COQ8B: variants seen among roughly 807,000 people sequenced by gnomAD.
COQ8B encodes coenzyme Q8B, also known as atypical kinase COQ8B, mitochondrial.
Under a neutral mutation model 62.0 loss-of-function variants are expected in COQ8B, and 44 were observed. The observed-to-expected ratio is 0.71, with a 90% CI of 0.56 to 0.91. The LOEUF (loss-of-function observed/expected upper bound fraction) is 0.91. Among genes scored for constraint, COQ8B ranks in the 40% least tolerant of loss-of-function variants. COQ8B has a pLI of 0.00. For missense variants in COQ8B, 649 were observed against 731.6 expected, an observed-to-expected ratio of 0.89 and a Z score of 1.30; for synonymous variants, 252 against 289.9, an observed-to-expected ratio of 0.87 and a Z score of 1.33.
chr19:40,711,740 T>A (rs1047440492), intron 4 of COQ8B, among the ~76,000 whole-genome samples: 5 of 152,220 alleles, frequency 3.3e-5, no homozygotes, highest in African/African-American at 1.2e-4. Flanking sequence ...ATTTTCTGTG[T>A]CCTTTCTACA....
Position 40,705,171 on chromosome 19 carries a change from G to T in COQ8B, c.501C>A (p.Phe167Leu), listed in dbSNP as rs55793080. Reference sequence around the variant, plus strand: ...AGATGTGCTGCAGCTGAGGGCTGATGAAGCTGTTGTCTTGGGAGACAGTGG... The same window carrying T: ...AGATGTGCTGCAGCTGAGGGCTGATTAAGCTGTTGTCTTGGGAGACAGTGG... The part of the protein sequence containing the change: ...GQMLSIQDNS[F>L]ISPQLQHIFE... Residue 167 changes from phenylalanine (F) to leucine (L), a missense_variant, in exon 7 of 15, where the codon TTC (phenylalanine) becomes TTA (leucine). Transcript: ENST00000324464. The T allele has an allele frequency of 1.6e-3, 2,625 of 1,613,442 alleles. 30 individuals carry two copies. The Admixed American group carries it at 0.026, about 16-fold the overall frequency.
At chr19:40,693,881 C>T (rs576702349) in intron 13 of COQ8B, among the ~76,000 whole-genome samples, 1 of 152,270 alleles carries the variant, frequency 6.6e-6, no homozygotes, top group South Asian at 2.1e-4. Flanking sequence ...CCGGGTCACA[C>T]CACTCACTAC....
chr19:40,704,221 C>T (rs555311840), intron 7 of COQ8B: 9 of 182,258 alleles, frequency 4.9e-5, no homozygotes, highest in Non-Finnish European at 9.2e-5. Context: ...ACTCTCACGG[C>T]TCACTGCAGC....
chr19:40,693,628 C>T (rs899802052), intron 13 of COQ8B, among the ~76,000 whole-genome samples: 3 of 152,152 alleles, frequency 2.0e-5, no homozygotes, highest in African/African-American at 7.2e-5. Flanking sequence ...GCTAGGGTTC[C>T]GTCCCAGCTC....
intron 1 of COQ8B, chr19:40,715,263 T>C (rs1016338559): frequency 2.0e-6 from 2 of 985,974 alleles, no homozygotes; most frequent in African/African-American, 3.5e-5. Flanking sequence ...CGGGGGCCCA[T>C]CTGGGGGGAT....
intron 9 of COQ8B, among the ~76,000 whole-genome samples, 182 bp from the exon 10 acceptor site, chr19:40,702,875 A>G (rs765230059): frequency 2.0e-5 from 3 of 151,728 alleles, no homozygotes; most frequent in Non-Finnish European, 4.4e-5. Context: ...TCTGACCTGC[A>G]TCTGTCCCTC....
chr19:40,707,156 C>G (rs2082106696), intron 5 of COQ8B, among the ~76,000 whole-genome samples: 1 of 151,978 alleles, frequency 6.6e-6, no homozygotes, highest in Non-Finnish European at 1.5e-5. Flanking sequence ...ATAGTCCCAG[C>G]TACTCAGGAG....
Position 40,703,697 on chromosome 19 carries a change from C to A in COQ8B, c.717+18G>T, listed in dbSNP as rs1259859439. On this transcript the variant is annotated intron_variant, in intron 8 of 14. Coordinates refer to ENST00000324464, the MANE Select transcript of COQ8B (RefSeq NM_024876.4). Reference sequence around the variant, plus strand: ...TAGCAGGGTGCCCGCCCCTACCCTGCCCAGCCTCCCCTCTCACCTGGATCT... The same window carrying A: ...TAGCAGGGTGCCCGCCCCTACCCTGACCAGCCTCCCCTCTCACCTGGATCT... The A allele has an allele frequency of 6.2e-7, 1 of 1,613,964 alleles. No individual in the cohort carries two copies. Among genetic ancestry groups the A allele is most frequent in the African/African-American group, 1.3e-5 (1 of 74,918 alleles).
At chr19:40,710,705 G>T (rs533516605) in intron 4 of COQ8B, among the ~76,000 whole-genome samples, 2 of 152,222 alleles carry the variant, frequency 1.3e-5, no homozygotes, top group South Asian at 4.1e-4. Flanking sequence ...GCACATTCCA[G>T]TTACCAGAGG....
chr19:40,705,231 G>A, intron 6 of COQ8B, 50 bp from the exon 7 acceptor site: 1 of 1,601,236 alleles, frequency 6.2e-7, no homozygotes, highest in South Asian at 1.1e-5. Context: ...GGTGAGGAGG[G>A]ACCCCGTGTG....
chr19:40,709,924 G>A lies in COQ8B; in HGVS notation c.367+135C>T, dbSNP rs1489281808. ...AGGCCTGTTCAAAGCACTTCACAAT[G>A]ACTCTAAGAGGTGGGTAAATTATCA... On this transcript the variant is annotated intron_variant, in intron 5 of 14. Transcript: ENST00000324464. 5.1e-6 allele frequency: 4 copies of A among 788,322 alleles called. No homozygotes were observed. In the African/African-American group the frequency reaches 6.9e-5, roughly 14 times the overall value. 48.8% of individuals were successfully genotyped at this position (788,322 alleles called of 1,614,324 possible).
chr19:40,703,934 C>T, intron 7 of COQ8B, 79 bp from the exon 8 acceptor site: 1 of 1,487,648 alleles, frequency 6.7e-7, no homozygotes, highest in Non-Finnish European at 9.0e-7. Flanking sequence ...TTGATAACCC[C>T]AGCACTCACC....
At position 40,693,073 on chromosome 19, in the gene COQ8B, C is replaced by T. The variant is rs372555820; in HGVS notation, c.1210-36G>A. On this transcript the variant is annotated intron_variant, in intron 13 of 14. Transcript: ENST00000324464. ...GGGTGGGAGTTAGAGGGACAAAGGC[C>T]GGGGCTCAAGGGGGCTCTGGAGAAG... is the stretch of plus-strand genomic sequence containing the variant. 3.9e-4 allele frequency: 623 copies of T among 1,591,238 alleles called. 1 individual carries two copies. The highest frequency in any genetic ancestry group is 4.8e-4 in the Non-Finnish European group (553 of 1,160,868).
rs549359403 is a variant in COQ8B at position 40,705,236 on chromosome 19, C to T, written c.491-55G>A. The stretch of plus-strand genomic sequence containing the variant: ...TAAGCGAAGAGGTGAGGAGGGACCC[C>T]GTGTGAGTATCTGAAGTTGGGGCCT... On this transcript the variant is annotated intron_variant, in intron 6 of 14. Transcript: ENST00000324464. The T allele has an allele frequency of 1.1e-4, 179 of 1,598,110 alleles. 1 individual carries two copies. In the South Asian group the frequency reaches 1.6e-3, roughly 14 times the overall value.
At chr19:40,695,876 T>C in intron 13 of COQ8B, 113 bp downstream of exon 13, 1 of 1,069,476 alleles carries the variant, frequency 9.4e-7, no homozygotes, top group Non-Finnish European at 1.4e-6. Flanking sequence ...AGTATTACTA[T>C]TATTTATTAT....
intron 5 of COQ8B, 28 bp from the exon 6 acceptor site, chr19:40,705,475 T>G (rs1387064031): frequency 6.6e-7 from 1 of 1,518,052 alleles, no homozygotes; most frequent in Non-Finnish European, 8.9e-7. Flanking sequence ...ATTAGAATTA[T>G]AACCACAAAT....
chr19:40,707,481 C>T (rs1424628170), intron 5 of COQ8B, among the ~76,000 whole-genome samples: 114 of 150,146 alleles, frequency 7.6e-4, no homozygotes, highest in Admixed American at 1.6e-3. Flanking sequence ...AACAGTGTCT[C>T]GCTCTGTCTC....
At chr19:40,696,548 C>T (rs1411679710) in intron 12 of COQ8B, among the ~76,000 whole-genome samples, 3 of 151,736 alleles carry the variant, frequency 2.0e-5, no homozygotes, top group African/African-American at 4.8e-5. Flanking sequence ...GCCTGTAATC[C>T]CAGCTACTTG....
At chr19:40,697,922 A>G (rs896777338) in intron 12 of COQ8B, among the ~76,000 whole-genome samples, 21 of 147,790 alleles carry the variant, frequency 1.4e-4, no homozygotes, top group African/African-American at 3.8e-4. Flanking sequence ...ACGTCAAACA[A>G]AAGTGTCCCA....
Sources: gnomAD v4.1 joint callset for allele counts (sites outside exome capture counted in the v4.1 genomes callset) on GRCh38, gnomAD v4.1.1 for gene constraint, MANE v1.5 for transcripts, NCBI Gene and HGNC (gene_info 2026-07-23, HGNC 2026-07-21) for gene names.